Variants in TMEM143 observed in about 807,000 individuals in gnomAD.
TMEM143 encodes the protein transmembrane protein 143.
In TMEM143, 45 loss-of-function variants were observed where a neutral mutation model predicts 40.3. The observed-to-expected ratio is 1.12, with a 90% CI of 0.88 to 1.43. TMEM143 has a LOEUF of 1.43. Ranked by LOEUF, TMEM143 falls within the 40% of genes most tolerant of loss-of-function variation. TMEM143 has a pLI of 0.00. For synonymous variants in TMEM143, 299 were observed against 282.7 expected (o/e 1.06, Z -0.58); for missense variants, 620 against 613.4 (o/e 1.01, Z -0.11).
chr19:48,337,757 G>A (rs964203172), intron 6 of TMEM143, among the ~76,000 whole-genome samples: 8 of 152,090 alleles, frequency 5.3e-5, no homozygotes, highest in African/African-American at 1.7e-4. Flanking sequence ...CCAATGACAC[G>A]CTTGCATGTG....
At chr19:48,361,103 C>T (rs1177453929) in intron 2 of TMEM143, among the ~76,000 whole-genome samples, 3 of 151,994 alleles carry the variant, frequency 2.0e-5, no homozygotes, top group African/African-American at 4.8e-5. Flanking sequence ...TTATAACTCC[C>T]ATTTGTCAGT....
At chr19:48,345,133 G>T in intron 4 of TMEM143, 27 bp downstream of exon 4, 8 of 1,609,660 alleles carry the variant, frequency 5.0e-6, no homozygotes, top group Middle Eastern at 1.8e-4. Context: ...CCTCCTGGGA[G>T]TTTTGTTCTC....
Position 48,351,623 on chromosome 19 carries a change from G to A in TMEM143, c.370-6269C>T, listed in dbSNP as rs141275318. ...TCACCTCCTCTCTCTTCCCTGGGTC[G>A]CCAGGCTCTAGCCCCGCAGGCCTCC... On this transcript the variant is annotated intron_variant, in intron 3 of 7. Coordinates refer to ENST00000293261, the MANE Select transcript of TMEM143 (RefSeq NM_018273.4). Among the ~76,000 whole-genome samples, 886 of 151,908 alleles carry A rather than the reference G, an allele frequency of 5.8e-3. 7 individuals carry two copies. The highest frequency in any genetic ancestry group is 0.021 in the African/African-American group (852 of 41,414).
chr19:48,348,378 C>G (rs1969692792), intron 3 of TMEM143, among the ~76,000 whole-genome samples: 2 of 152,110 alleles, frequency 1.3e-5, no homozygotes, highest in African/African-American at 4.8e-5. Flanking sequence ...TCACCCAGCT[C>G]TCTCCTCCCC....
intron 3 of TMEM143, among the ~76,000 whole-genome samples, chr19:48,356,067 C>T (rs113430795): frequency 0.011 from 1,707 of 152,170 alleles, 37 homozygotes; most frequent in African/African-American, 0.038. Context: ...GACAGCTGGA[C>T]GCTCACGCCT....
Position 48,333,533 on chromosome 19 carries a change from G to A in TMEM143, c.1166-100C>T. 1 of 784,772 alleles carries A rather than the reference G, an allele frequency of 1.3e-6. No individual in the cohort carries two copies. Among genetic ancestry groups the A allele is most frequent in the Non-Finnish European group, 2.0e-6 (1 of 490,438 alleles). 48.6% of individuals were successfully genotyped at this position (784,772 alleles called of 1,614,324 possible). The stretch of plus-strand genomic sequence containing the variant: ...GTAGGGCAAAGAACAGGAAGGGCCT[G>A]GGTTTGGGAGAAGCCTAGGAGTGAT... On this transcript the variant is annotated intron_variant, in intron 7 of 7. Coordinates refer to ENST00000293261, the MANE Select transcript of TMEM143 (RefSeq NM_018273.4). The surrounding 1 kb of genome is among the most constrained non-coding windows in gnomAD (Gnocchi z 4.1).
At chr19:48,349,571 G>A (rs1451346275) in intron 3 of TMEM143, among the ~76,000 whole-genome samples, 1 of 151,998 alleles carries the variant, frequency 6.6e-6, no homozygotes, top group Non-Finnish European at 1.5e-5. Context: ...CTTGAACCCT[G>A]GAGGTGGAGG....
rs561082243 is a variant in TMEM143, at chr19:48,345,881, T to A, written c.370-527A>T. The stretch of plus-strand genomic sequence containing the variant: ...CTCACTGCAACCTCCACCTCCTGGG[T>A]TCAAGCGATTCTCCTGTCTCAGCCT... On this transcript the variant is annotated intron_variant, in intron 3 of 7. Coordinates refer to ENST00000293261, the MANE Select transcript of TMEM143 (RefSeq NM_018273.4). Among the ~76,000 whole-genome samples the A allele has an allele frequency of 3.3e-5, 5 of 150,890 alleles. No individual in the cohort carries two copies. In the East Asian group the frequency reaches 9.7e-4, roughly 29 times the overall value.
intron 3 of TMEM143, among the ~76,000 whole-genome samples, chr19:48,350,166 AT>A (rs1015025195): frequency 4.7e-4 from 68 of 144,178 alleles, no homozygotes; most frequent in South Asian, 8.9e-4. Context: ...ATGCCAGCTA[AT>A]TTTTTTTTTT....
chr19:48,350,598 C>T (rs533677577), intron 3 of TMEM143, among the ~76,000 whole-genome samples: 11 of 152,148 alleles, frequency 7.2e-5, no homozygotes, highest in South Asian at 4.1e-4. Context: ...CACCTGGCAC[C>T]GGGCCTCGCA....
intron 3 of TMEM143, among the ~76,000 whole-genome samples, chr19:48,348,362 C>T (rs1249834412): frequency 3.3e-5 from 5 of 152,056 alleles, no homozygotes; most frequent in South Asian, 2.1e-4. Context: ...TCAAGCAGAC[C>T]GCACTTCACC....
chr19:48,355,769 G>A (rs546451303), intron 3 of TMEM143, among the ~76,000 whole-genome samples: 32 of 152,332 alleles, frequency 2.1e-4, no homozygotes, highest in African/African-American at 6.7e-4. Context: ...TAAGCCCTTG[G>A]AATGTCCTGA....
At chr19:48,338,108 C>T (rs1969411815) in intron 6 of TMEM143, among the ~76,000 whole-genome samples, 1 of 152,106 alleles carries the variant, frequency 6.6e-6, no homozygotes, top group Admixed American at 6.6e-5. Context: ...AGCCCCTCCA[C>T]CTACTCAGTC....
In TMEM143 at chr19:48,333,951, G is replaced by A; in HGVS notation, c.1165+57C>T. ...TGGGGGTGGGGACGCATCTCGCTGG[G>A]GCGGGGCCTCGCGGGGGTGTGGCCC... On this transcript the variant is annotated intron_variant, in intron 7 of 7. Coordinates refer to ENST00000293261, the MANE Select transcript of TMEM143 (RefSeq NM_018273.4). The surrounding 1 kb of genome is among the most constrained non-coding windows in gnomAD (Gnocchi z 4.1). 6.9e-7 allele frequency: 1 copy of A among 1,455,234 alleles called. No homozygotes were observed. Among genetic ancestry groups the A allele is most frequent in the African/African-American group, 1.4e-5 (1 of 70,578 alleles). 90.1% of individuals were successfully genotyped at this position (1,455,234 alleles called of 1,614,324 possible).
chr19:48,342,970 A>T, intron 5 of TMEM143, 161 bp from the exon 6 acceptor site: 1 of 898,930 alleles, frequency 1.1e-6, no homozygotes, highest in Non-Finnish European at 1.6e-6. Flanking sequence ...GTGTCCAACC[A>T]CAGGGGATCG....
chr19:48,358,887 G>A (rs1450154534), intron 3 of TMEM143, among the ~76,000 whole-genome samples: 2 of 151,994 alleles, frequency 1.3e-5, no homozygotes, highest in African/African-American at 2.4e-5. Flanking sequence ...CAAGGTCCTC[G>A]GCCTGGCACA....
intron 3 of TMEM143, 178 bp downstream of exon 3, chr19:48,359,894 C>T: frequency 1.7e-6 from 1 of 597,028 alleles, no homozygotes; most frequent in South Asian, 2.2e-5. Flanking sequence ...TTATTTGATT[C>T]CTTGTCTCCC....
chr19:48,345,711 T>C (rs1969612085), intron 3 of TMEM143, among the ~76,000 whole-genome samples: 1 of 151,928 alleles, frequency 6.6e-6, no homozygotes, highest in Admixed American at 6.6e-5. Context: ...GCTCAGGCAA[T>C]ATGCCCGCCT....
chr19:48,363,766 T>C (rs1970125553), intron 1 of TMEM143, 132 bp downstream of exon 1: 1 of 1,498,580 alleles, frequency 6.7e-7, no homozygotes, highest in African/African-American at 1.4e-5. Context: ...AGAGACCCTG[T>C]AGTGGTACAA....
Sources: allele counts gnomAD v4.1 joint callset (sites outside exome capture counted in the v4.1 genomes callset), GRCh38; gene constraint gnomAD v4.1.1; non-coding constraint Gnocchi (gnomAD v3.1); transcripts MANE v1.5; gene names NCBI Gene and HGNC (gene_info 2026-07-23, HGNC 2026-07-21).